MYOZ3: variants seen among roughly 807,000 people sequenced by gnomAD.
MYOZ3 encodes myozenin 3.
In MYOZ3, 19 loss-of-function variants were observed where a neutral mutation model predicts 26.5. The ratio of observed to expected loss-of-function variants is 0.72; its 90% confidence interval spans 0.50 to 1.05. The LOEUF (loss-of-function observed/expected upper bound fraction) is 1.05, where lower values mean the gene tolerates loss of function less well. MYOZ3 is among the 50% of genes least tolerant of loss of function. The pLI is 0.00. For synonymous variants in MYOZ3, 135 were observed against 138.8 expected (o/e 0.97, Z 0.19); for missense variants, 322 against 337.1 (o/e 0.96, Z 0.35).
At position 150,678,268 on chromosome 5, in the gene MYOZ3, C is replaced by G. The variant is rs1243517503; in HGVS notation, c.*1393C>G. 1 of 152,200 alleles carries G rather than the reference C, an allele frequency of 6.6e-6. No homozygotes were observed. Among genetic ancestry groups the G allele is most frequent in the African/African-American group, 2.4e-5 (1 of 41,416 alleles). 9.4% of individuals were successfully genotyped at this position (152,200 alleles called of 1,614,324 possible). ...TTTCCACTCCATTTTGAGCAGGCTG[C>G]TTAAAGTGGTGGTGATGATGATGAT... is the stretch of plus-strand genomic sequence containing the variant. On this transcript the variant is annotated 3_prime_UTR_variant, in exon 7 of 7. Coordinates refer to ENST00000517768, the MANE Select transcript of MYOZ3 (RefSeq NM_001122853.3).
At position 150,676,872 on chromosome 5, in the gene MYOZ3, G is replaced by C. The variant is rs765610710; in HGVS notation, c.753G>C (p.Leu251=). The change falls in exon 7 of 7, where the codon CTG becomes CTC. Residue 251 remains leucine (L), a synonymous_variant. Transcript: ENST00000517768. Reference sequence around the variant, plus strand: ...GTAACCTCCCAGAGTCCGAGGAGCTGTAGCCCTAGCCTGAATCTTCAGTTC... The same window carrying C: ...GTAACCTCCCAGAGTCCGAGGAGCTCTAGCCCTAGCCTGAATCTTCAGTTC... ...WVRNLPESEE[L] 2.5e-6 allele frequency: 4 copies of C among 1,609,238 alleles called. No homozygotes were observed. The Admixed American group carries it at 5.0e-5, about 20-fold the overall frequency.
chr5:150,665,957 C>T (rs1207334989), intron 2 of MYOZ3, among the ~76,000 whole-genome samples: 1 of 151,240 alleles, frequency 6.6e-6, no homozygotes, highest in Non-Finnish European at 1.5e-5. Flanking sequence ...ATCGCTTGAA[C>T]CCGGGAGGCA....
intron 6 of MYOZ3, among the ~76,000 whole-genome samples, chr5:150,675,287 T>C (rs1449031403): frequency 3.3e-5 from 5 of 151,626 alleles, no homozygotes; most frequent in African/African-American, 1.2e-4. Context: ...ACTTGCTTTT[T>C]TTACTCAACA....
chr5:150,661,247 C>A (rs1758726156), upstream of MYOZ3: 1 of 152,414 alleles, frequency 6.6e-6, no homozygotes, highest in Admixed American at 6.5e-5. Context: ...CATGGCAAGG[C>A]AGGAATGATT....
chr5:150,675,413 C>T (rs1416187104), intron 6 of MYOZ3, among the ~76,000 whole-genome samples: 1 of 151,632 alleles, frequency 6.6e-6, no homozygotes, highest in African/African-American at 2.4e-5. Flanking sequence ...GCTTTTGTGG[C>T]CCAGGCTGCA....
rs908995102 is a variant in MYOZ3, at chr5:150,672,448, A to G, written c.533A>G (p.Gln178Arg). Residue 178 changes from glutamine to arginine, a missense_variant, in exon 6 of 7, where the codon CAG becomes CGG. Coordinates refer to ENST00000517768, the MANE Select transcript of MYOZ3 (RefSeq NM_001122853.3). ...WQEFVSYRDY[Q>R]SDGRSHTPSP... ...GAGTTCGTCAGCTACCGGGACTACC[A>G]GAGCGATGGCCGAAGTCACACCCCC... 5.1e-5 allele frequency: 82 copies of G among 1,609,706 alleles called. No individual in the cohort carries two copies. Among genetic ancestry groups the G allele is most frequent in the Non-Finnish European group, 6.8e-5 (80 of 1,177,746 alleles).
intron 6 of MYOZ3, among the ~76,000 whole-genome samples, chr5:150,675,358 A>G (rs1758987708): frequency 6.7e-6 from 1 of 150,290 alleles, no homozygotes; most frequent in Non-Finnish European, 1.5e-5. Flanking sequence ...AAGCTGCTGT[A>G]TAGTTTTCTT....
At chr5:150,666,630 A>AATATATATATATATATAT (rs1554113785) in intron 2 of MYOZ3, among the ~76,000 whole-genome samples, 4 of 123,064 alleles carry the variant, frequency 3.3e-5, no homozygotes, top group African/African-American at 1.3e-4. Flanking sequence ...AAAAAAAAAA[A>AATATATATATATATATAT]ATATATATAT....
intron 2 of MYOZ3, chr5:150,669,963 T>C (rs550901899): frequency 6.6e-6 from 1 of 152,384 alleles, no homozygotes; most frequent in Non-Finnish European, 1.5e-5. Flanking sequence ...TGCTTTTTTA[T>C]AATAATAAAA....
At chr5:150,672,199 TG>T (rs1164071243) in intron 5 of MYOZ3, 140 bp from the exon 6 acceptor site, 1 of 1,274,788 alleles carries the variant, frequency 7.8e-7, no homozygotes, top group South Asian at 1.3e-5. Flanking sequence ...GGAGCAACTG[TG>T]GCTTCCCATT....
rs1453053511 is a variant in MYOZ3 at position 150,677,664 on chromosome 5, AAC to A, written c.*791_*792del. On this transcript the variant is annotated 3_prime_UTR_variant, in exon 7 of 7. Coordinates refer to ENST00000517768, the MANE Select transcript of MYOZ3 (RefSeq NM_001122853.3). ...TTGGTCTTCATCTATTCATGCTCTAAACAGTTCCTAAGCGCTGACTGTGCGCT... is the reference window on the plus strand; with the variant it reads ...TTGGTCTTCATCTATTCATGCTCTAAAGTTCCTAAGCGCTGACTGTGCGCT... 1.3e-5 allele frequency: 2 copies of A among 152,314 alleles called. No homozygotes were observed. Among genetic ancestry groups the A allele is most frequent in the African/African-American group, 4.8e-5 (2 of 41,440 alleles). The allele number at this position is 152,314 out of a possible 1,614,324, so 9.4% of individuals were successfully genotyped here. A position where few individuals can be genotyped will look rare whatever the true frequency, so the allele number is the denominator to read the frequency against.
chr5:150,664,495 TC>T (rs1758779280), intron 2 of MYOZ3, among the ~76,000 whole-genome samples: 1 of 152,174 alleles, frequency 6.6e-6, no homozygotes, highest in Non-Finnish European at 1.5e-5. Flanking sequence ...AATCTCATAA[TC>T]TCACTACCTA....
intron 2 of MYOZ3, chr5:150,669,894 GC>G (rs1459167151): frequency 6.6e-6 from 1 of 152,094 alleles, no homozygotes; most frequent in Non-Finnish European, 1.5e-5. Context: ...TGATGCGCCT[GC>G]TTTGGCTTCC....
Position 150,671,683 on chromosome 5 carries a change from G to A in MYOZ3, c.270+33G>A, listed in dbSNP as rs748694957. 3.1e-6 allele frequency: 5 copies of A among 1,613,710 alleles called. No homozygotes were observed. The East Asian group carries it at 6.7e-5, about 22-fold the overall frequency. ...TGGAGGGGAGCTCCCTGGAAGGGAA[G>A]CTGGGGGAAGGGGAGCGCGGCTGGG... On this transcript the variant is annotated intron_variant, in intron 4 of 6. Transcript: ENST00000517768.
intron 2 of MYOZ3, among the ~76,000 whole-genome samples, chr5:150,666,758 TTC>T (rs1758817331): frequency 7.0e-6 from 1 of 142,992 alleles, no homozygotes; most frequent in Non-Finnish European, 1.5e-5. Context: ...TATACTGGAT[TTC>T]TTTTTTTCTT....
Position 150,671,825 on chromosome 5 carries a change from G to C in MYOZ3, c.341G>C (p.Gly114Ala). The stretch of plus-strand genomic sequence containing the variant: ...CTCCACATCTTCCCGGCCTCACCCG[G>C]GGCCTCACTCGGGGGTCCCGAGGGC... ...SELHIFPASP[G>A]ASLGGPEGAH... Residue 114 changes from glycine (G) to alanine (A), a missense_variant, in exon 5 of 7, where the codon GGG becomes GCG. By Grantham distance (60) the Gly-to-Ala change is moderately conservative. Coordinates refer to ENST00000517768, the MANE Select transcript of MYOZ3 (RefSeq NM_001122853.3). 3 of 1,611,472 alleles carry C rather than the reference G, an allele frequency of 1.9e-6. No individual in the cohort carries two copies. In the East Asian group the frequency reaches 6.7e-5, roughly 36 times the overall value.
intron 2 of MYOZ3, 153 bp from the exon 3 acceptor site, chr5:150,670,331 T>C (rs992760022): frequency 1.2e-6 from 1 of 815,470 alleles, no homozygotes; most frequent in South Asian, 2.9e-5. Flanking sequence ...GCCCATCAGG[T>C]GGGCAAAGAT....
intron 6 of MYOZ3, 100 bp from the exon 7 acceptor site, chr5:150,676,607 G>T: frequency 9.7e-7 from 1 of 1,027,344 alleles, no homozygotes; most frequent in Non-Finnish European, 1.4e-6. Flanking sequence ...CTGAGGCTCA[G>T]AGAGCGGCAG....
chr5:150,675,223 C>T (rs1007785330), intron 6 of MYOZ3, among the ~76,000 whole-genome samples: 2 of 132,162 alleles, frequency 1.5e-5, no homozygotes, highest in Non-Finnish European at 3.0e-5. Context: ...GGGGGAATGG[C>T]GTTTGTGTGT....
Sources: gnomAD v4.1 joint callset for allele counts (sites outside exome capture counted in the v4.1 genomes callset) on GRCh38, gnomAD v4.1.1 for gene constraint, MANE v1.5 for transcripts, NCBI Gene and HGNC (gene_info 2026-07-23, HGNC 2026-07-21) for gene names.